STAG1: variants seen among roughly 807,000 people sequenced by gnomAD.
The protein encoded by STAG1 is cohesin subunit SA-1.
Under a neutral mutation model 170.9 loss-of-function variants are expected in STAG1, and 26 were observed. The ratio of observed to expected loss-of-function variants is 0.15; its 90% CI spans 0.11 to 0.21. STAG1 has a LOEUF of 0.21. Among genes scored for constraint, STAG1 ranks in the 10% least tolerant of loss-of-function variants. The pLI is 1.00. For synonymous variants in STAG1, 514 were observed against 497.7 expected, an observed-to-expected ratio of 1.03 and a Z score of -0.44; for missense variants, 964 against 1,509.5, an observed-to-expected ratio of 0.64 and a Z score of 5.99.
chr3:136,337,367 TAAA>T lies in STAG1; in HGVS notation c.*884_*886del, dbSNP rs1479758754. On this transcript the variant is annotated 3_prime_UTR_variant, in exon 34 of 34. Transcript: ENST00000383202. ...ATTTGGCAGGGCATGAAATAAGTGG[TAAA>T]AACAGCAAACTGATAACTTGAGAAT... 6.6e-6 allele frequency: 1 copy of T among 152,422 alleles called. No homozygotes were observed. Among genetic ancestry groups the T allele is most frequent in the Non-Finnish European group, 1.5e-5 (1 of 68,038 alleles). 9.4% of individuals were successfully genotyped at this position (152,422 alleles called of 1,614,324 possible).
chr3:136,501,896 T>C (rs183282751), intron 8 of STAG1, among the ~76,000 whole-genome samples: 44 of 152,164 alleles, frequency 2.9e-4, no homozygotes, highest in African/African-American at 1.0e-3. Context: ...AAAAACCCAG[T>C]ATAGGCCGGG....
chr3:136,580,582 G>A (rs1460317245), intron 4 of STAG1, among the ~76,000 whole-genome samples: 1 of 142,786 alleles, frequency 7.0e-6, no homozygotes, highest in Non-Finnish European at 1.5e-5. Flanking sequence ...GCCGGACTGC[G>A]GACTGCAGTG....
Position 136,568,851 on chromosome 3 carries a change from T to C in STAG1, c.308A>G (p.Asp103Gly). 1 of 1,611,138 alleles carries C rather than the reference T, an allele frequency of 6.2e-7. No homozygotes were observed. The highest frequency in any genetic ancestry group is 8.5e-7 in the Non-Finnish European group (1 of 1,178,648). The part of the protein sequence containing the change: ...LGKSAMQSVV[D>G]DWIESYKQDR... ...TTGTTTATATGATTCAATCCAGTCA[T>C]CCACCACGGACTGTGGAAAAAAAAT... The change falls in exon 5 of 34, where the codon GAT becomes GGT. Residue 103 changes from aspartate to glycine, a missense_variant. Asp to Gly is a moderately conservative substitution (Grantham distance 94). This residue lies in a region of STAG1 where 33 missense variants were observed against 86.0 expected (regional missense o/e 0.38). Transcript: ENST00000383202.
chr3:136,558,334 G>A (rs1001517900), intron 5 of STAG1, among the ~76,000 whole-genome samples: 2 of 152,206 alleles, frequency 1.3e-5, no homozygotes, highest in African/African-American at 2.4e-5. Context: ...GGAGGTTGCA[G>A]TGAGCCAAGA....
chr3:136,736,932 A>C, intron 1 of STAG1: 5 of 1,592,226 alleles, frequency 3.1e-6, no homozygotes, highest in Non-Finnish European at 4.3e-6. Context: ...GCAACTTGTA[A>C]GCTTTGTCCA....
At chr3:136,671,811 C>T (rs896911430) in intron 1 of STAG1, among the ~76,000 whole-genome samples, 4 of 151,320 alleles carry the variant, frequency 2.6e-5, no homozygotes, top group East Asian at 2.0e-4. Context: ...GAGCCCAGGA[C>T]GCCGAGGCTG....
intron 1 of STAG1, among the ~76,000 whole-genome samples, chr3:136,725,673 A>T (rs1231840173): frequency 6.6e-6 from 1 of 152,170 alleles, no homozygotes; most frequent in Non-Finnish European, 1.5e-5. Flanking sequence ...AATACAAATA[A>T]AGGTAGAAGA....
intron 22 of STAG1, among the ~76,000 whole-genome samples, chr3:136,397,019 GA>G (rs756880645): frequency 1.3e-5 from 2 of 151,646 alleles, no homozygotes; most frequent in African/African-American, 2.4e-5. Flanking sequence ...ACTCAGAAAG[GA>G]AAAAAAATTC....
intron 9 of STAG1, among the ~76,000 whole-genome samples, chr3:136,493,878 A>G (rs1402560306): frequency 6.6e-6 from 1 of 152,176 alleles, no homozygotes; most frequent in Non-Finnish European, 1.5e-5. Context: ...ACTACAAAAT[A>G]TTATGAATAA....
chr3:136,668,722 A>G (rs1941891927), intron 1 of STAG1, among the ~76,000 whole-genome samples: 1 of 152,142 alleles, frequency 6.6e-6, no homozygotes, highest in African/African-American at 2.4e-5. Context: ...AGACCGTAGT[A>G]TCTACTGGGA....
intron 20 of STAG1, 45 bp downstream of exon 20, chr3:136,421,048 G>A: frequency 7.8e-7 from 1 of 1,284,278 alleles, no homozygotes; most frequent in East Asian, 2.5e-5. Flanking sequence ...TGGGGTTACA[G>A]GCATGAGCCA....
At chr3:136,490,537 C>T (rs936677072) in intron 9 of STAG1, among the ~76,000 whole-genome samples, 4 of 152,030 alleles carry the variant, frequency 2.6e-5, no homozygotes, top group Admixed American at 2.6e-4. Flanking sequence ...GAATTTTAGG[C>T]TTTAATAAGA....
At chr3:136,426,061 T>G (rs1436214566) in intron 16 of STAG1, among the ~76,000 whole-genome samples, 4 of 151,722 alleles carry the variant, frequency 2.6e-5, no homozygotes, top group Non-Finnish European at 5.9e-5. Flanking sequence ...ATATGCAGAT[T>G]TTTTTCAATA....
intron 1 of STAG1, among the ~76,000 whole-genome samples, chr3:136,722,080 AG>A (rs557435732): frequency 1.7e-3 from 253 of 152,052 alleles, no homozygotes; most frequent in Non-Finnish European, 3.3e-3. Context: ...AAAAATAGCC[AG>A]GCATGGTGGT....
intron 21 of STAG1, among the ~76,000 whole-genome samples, chr3:136,415,988 A>C (rs180784767): frequency 3.9e-4 from 59 of 152,176 alleles, no homozygotes; most frequent in African/African-American, 1.4e-3. Context: ...GTGTTCAAGA[A>C]ATTAACAAAG....
chr3:136,744,727 A>G (rs112196704), intron 1 of STAG1, among the ~76,000 whole-genome samples: 170 of 146,622 alleles, frequency 1.2e-3, no homozygotes, highest in African/African-American at 2.5e-3. Flanking sequence ...CTACGCTGGA[A>G]TGCAGTGGTG....
intron 1 of STAG1, among the ~76,000 whole-genome samples, chr3:136,711,946 T>A (rs770955748): frequency 6.6e-5 from 10 of 152,098 alleles, no homozygotes; most frequent in Admixed American, 6.6e-5. Flanking sequence ...AGAAAAAAAA[T>A]TTTAAAACAG....
At chr3:136,372,521 C>T (rs1464192001) in intron 23 of STAG1, among the ~76,000 whole-genome samples, 5 of 152,192 alleles carry the variant, frequency 3.3e-5, no homozygotes, top group Admixed American at 2.0e-4. Context: ...GAGACACGTC[C>T]CATCAATACC....
chr3:136,686,130 G>C (rs1319602742), intron 1 of STAG1, among the ~76,000 whole-genome samples: 1 of 152,202 alleles, frequency 6.6e-6, no homozygotes, highest in East Asian at 1.9e-4. Context: ...TGTTTTGGCA[G>C]CTGGGCTTGG....
Sources: gnomAD v4.1 joint callset for allele counts (sites outside exome capture counted in the v4.1 genomes callset) on GRCh38, gnomAD v4.1.1 for gene constraint, gnomAD v4.1.1 regional missense constraint, MANE v1.5 for transcripts, NCBI Gene and HGNC (gene_info 2026-07-23, HGNC 2026-07-21) for gene names.